Variants in HDAC4 observed in about 807,000 individuals in gnomAD.
The protein encoded by HDAC4 is histone deacetylase A.
In HDAC4, 16 loss-of-function variants were observed where a neutral mutation model predicts 135.1. The ratio of observed to expected loss-of-function variants is 0.12; its 90% CI spans 0.08 to 0.18. The LOEUF (loss-of-function observed/expected upper bound fraction) is 0.18, where lower values mean the gene tolerates loss of function less well. HDAC4 is among the 10% of genes least tolerant of loss of function. The probability of loss-of-function intolerance (pLI) is 1.00; values close to 1 mark genes in which losing one functional copy is unlikely to be tolerated. For missense variants in HDAC4, 1,143 were observed against 1,511.8 expected, an observed-to-expected ratio of 0.76 and a Z score of 4.05; for synonymous variants, 685 against 653.4, an observed-to-expected ratio of 1.05 and a Z score of -0.74.
intron 2 of HDAC4, among the ~76,000 whole-genome samples, chr2:239,243,788 C>T (rs947519663): frequency 6.6e-6 from 1 of 152,108 alleles, no homozygotes; most frequent in African/African-American, 2.4e-5. Context: ...ATCTTCCATT[C>T]CTGTACTCTG....
At chr2:239,089,390 G>A (rs1336865092) in intron 18 of HDAC4, among the ~76,000 whole-genome samples, 4 of 152,114 alleles carry the variant, frequency 2.6e-5, no homozygotes, top group South Asian at 2.1e-4. Context: ...GTGCAATGGC[G>A]TGACTCGGCT....
At chr2:239,292,210 C>G (rs922177409) in intron 2 of HDAC4, among the ~76,000 whole-genome samples, 1 of 152,242 alleles carries the variant, frequency 6.6e-6, no homozygotes, top group Non-Finnish European at 1.5e-5. Flanking sequence ...TGGGGACTCC[C>G]AGCCGGGCAG....
intron 2 of HDAC4, among the ~76,000 whole-genome samples, chr2:239,278,025 A>T (rs1272842387): frequency 2.0e-5 from 3 of 151,794 alleles, no homozygotes; most frequent in Non-Finnish European, 4.4e-5. Flanking sequence ...CCCTAGCAAC[A>T]CACTCCAGCC....
intron 4 of HDAC4, among the ~76,000 whole-genome samples, chr2:239,178,992 G>A (rs1474692071): frequency 9.2e-5 from 14 of 151,538 alleles, no homozygotes; most frequent in African/African-American, 1.5e-4. Context: ...GCCACCAGAC[G>A]CCCGAGGCAT....
chr2:239,216,699 C>T (rs2046659016), intron 3 of HDAC4, among the ~76,000 whole-genome samples: 1 of 152,184 alleles, frequency 6.6e-6, no homozygotes, highest in Non-Finnish European at 1.5e-5. Flanking sequence ...CTCTGCCCTG[C>T]TGCACTCCTT....
intron 19 of HDAC4, among the ~76,000 whole-genome samples, chr2:239,084,893 G>A (rs1388599537): frequency 2.8e-5 from 3 of 106,444 alleles, no homozygotes; most frequent in African/African-American, 3.8e-5. Context: ...CCCCCCCCAC[G>A]TAGACACACA....
chr2:239,095,582 T>C lies in HDAC4; in HGVS notation c.2234-526A>G, dbSNP rs1043899145. Among the ~76,000 whole-genome samples the C allele has an allele frequency of 2.0e-5, 3 of 152,236 alleles. No individual in the cohort carries two copies. In the South Asian group the frequency reaches 6.2e-4, roughly 32 times the overall value. On this transcript the variant is annotated intron_variant, in intron 16 of 26. Transcript: ENST00000543185. ...AATGTATGCAGCGACAGCCCCTCCC[T>C]GCGACACAGGCGGAGCGTGTACAGC...
In HDAC4 at chr2:239,069,503, G is replaced by T. The variant is rs1422649696; in HGVS notation, c.2751-896C>A. Among the ~76,000 whole-genome samples, 211 of 101,296 alleles carry T rather than the reference G, an allele frequency of 2.1e-3. 1 individual carries two copies. The highest frequency in any genetic ancestry group is 6.0e-3 in the African/African-American group (159 of 26,346). The allele number at this position is 101,296 out of a possible 152,430, so 66.5% of individuals were successfully genotyped here. ...CCCCACGACACTTGCTTGGTGAGAG[G>T]GAGTCACGGTGCAAGCCAGCAAGCC... On this transcript the variant is annotated intron_variant, in intron 22 of 26. Coordinates refer to ENST00000543185, the MANE Select transcript of HDAC4 (RefSeq NM_001378414.1).
At chr2:239,334,533 T>TA (rs774487978) in intron 2 of HDAC4, among the ~76,000 whole-genome samples, 26 of 86,732 alleles carry the variant, frequency 3.0e-4, no homozygotes, top group Admixed American at 4.9e-4. Context: ...AACAAACAAA[T>TA]AAAAAAAAAC....
At chr2:239,094,006 A>G in intron 17 of HDAC4, 1 of 985,440 alleles carries the variant, frequency 1.0e-6, no homozygotes, top group African/African-American at 1.7e-5. Context: ...ATAAAAACTC[A>G]GGAAGAAAAC....
At chr2:239,369,956 T>C (rs1009134912) in intron 1 of HDAC4, among the ~76,000 whole-genome samples, 6 of 152,250 alleles carry the variant, frequency 3.9e-5, no homozygotes, top group African/African-American at 1.2e-4. Flanking sequence ...GAGAGAATCA[T>C]AGGACCGCCA....
At chr2:239,085,425 GC>G (rs2035839533) in intron 19 of HDAC4, among the ~76,000 whole-genome samples, 1 of 152,240 alleles carries the variant, frequency 6.6e-6, no homozygotes, top group Non-Finnish European at 1.5e-5. Context: ...GCATGGGGAA[GC>G]CCACACGCCC....
chr2:239,124,009 G>A (rs980768032), intron 12 of HDAC4, among the ~76,000 whole-genome samples: 3 of 152,034 alleles, frequency 2.0e-5, no homozygotes, highest in Non-Finnish European at 2.9e-5. Context: ...CAACGGGGGT[G>A]GGGTGGAGTG....
At chr2:239,181,993 C>T (rs960885733) in intron 4 of HDAC4, among the ~76,000 whole-genome samples, 2 of 152,194 alleles carry the variant, frequency 1.3e-5, no homozygotes, top group Non-Finnish European at 1.5e-5. Flanking sequence ...GCACACCTTC[C>T]TAACGCGGTG....
At chr2:239,266,438 G>A (rs1315150617) in intron 2 of HDAC4, among the ~76,000 whole-genome samples, 1 of 152,154 alleles carries the variant, frequency 6.6e-6, no homozygotes, top group Non-Finnish European at 1.5e-5. Flanking sequence ...TGCCCAGGGG[G>A]GCCTGGCCCT....
intron 5 of HDAC4, among the ~76,000 whole-genome samples, chr2:239,168,563 T>TA (rs1301288705): frequency 4.7e-4 from 72 of 152,156 alleles, no homozygotes; most frequent in Non-Finnish European, 1.5e-4. Flanking sequence ...GAAATTCACT[T>TA]AAAAAAAACC....
Position 239,297,044 on chromosome 2 carries a change from A to G in HDAC4, c.22+55634T>C, listed in dbSNP as rs1404755980. Among the ~76,000 whole-genome samples the G allele has an allele frequency of 8.6e-5, 13 of 151,680 alleles. No individual in the cohort carries two copies. The East Asian group carries it at 2.5e-3, about 29-fold the overall frequency. On this transcript the variant is annotated intron_variant, in intron 2 of 26. Transcript: ENST00000543185. ...TTTTCATGTAAAAAAAAAAAAAAAA[A>G]AAAAGGAATTAAGTCTTATGCTGCT...
intron 2 of HDAC4, among the ~76,000 whole-genome samples, chr2:239,249,557 T>C (rs1232610042): frequency 6.6e-6 from 1 of 152,178 alleles, no homozygotes; most frequent in Non-Finnish European, 1.5e-5. Flanking sequence ...TAAACCTCCT[T>C]TGAATCATTA....
At chr2:239,158,352 C>T (rs887808549) in intron 6 of HDAC4, among the ~76,000 whole-genome samples, 4 of 151,896 alleles carry the variant, frequency 2.6e-5, no homozygotes, top group East Asian at 1.9e-4. Context: ...ATGCATCCCA[C>T]GAGTTAAAAA....
Sources: gnomAD v4.1 joint callset for allele counts (sites outside exome capture counted in the v4.1 genomes callset) on GRCh38, gnomAD v4.1.1 for gene constraint, MANE v1.5 for transcripts, NCBI Gene and HGNC (gene_info 2026-07-23, HGNC 2026-07-21) for gene names.